The following CEP85L variants were observed in gnomAD, a reference collection of about 807,000 sequenced individuals.
The protein encoded by CEP85L is centrosomal protein of 85 kDa-like.
A neutral mutation model predicts 100.3 loss-of-function variants in CEP85L; 60 were observed. That is an observed-to-expected ratio of 0.60 (90% CI 0.49 to 0.74). The LOEUF (loss-of-function observed/expected upper bound fraction) is 0.74. CEP85L is among the 30% of genes least tolerant of loss of function. CEP85L has a pLI of 0.00. For synonymous variants in CEP85L, 319 were observed against 322.7 expected, an observed-to-expected ratio of 0.99 and a Z score of 0.12; for missense variants, 973 against 936.2, an observed-to-expected ratio of 1.04 and a Z score of -0.51.
intron 5 of CEP85L, among the ~76,000 whole-genome samples, chr6:118,510,494 A>G (rs1356815176): frequency 6.6e-6 from 1 of 152,130 alleles, no homozygotes; most frequent in Non-Finnish European, 1.5e-5. Context: ...AGAAATACAT[A>G]TTAAAACCAT....
At chr6:118,632,053 G>C (rs1357629322) in intron 2 of CEP85L, among the ~76,000 whole-genome samples, 4 of 152,108 alleles carry the variant, frequency 2.6e-5, no homozygotes, top group African/African-American at 4.8e-5. Flanking sequence ...GCAGTGGCAC[G>C]ATCTCAGCTC....
Position 118,566,033 on chromosome 6 carries a change from G to C in CEP85L, c.516C>G (p.Gly172=). 1 of 1,614,112 alleles carries C rather than the reference G, an allele frequency of 6.2e-7. No homozygotes were observed. Among genetic ancestry groups the C allele is most frequent in the Non-Finnish European group, 8.5e-7 (1 of 1,180,028 alleles). Residue 172 remains glycine (G), a synonymous_variant, in exon 3 of 13, where the codon GGC becomes GGG. Transcript: ENST00000368491. ...LTAPDNCGQG[G]TVCREESRNG... ...TCCTTGACTCTTCTCTGCATACAGT[G>C]CCACCCTGGCCACAGTTATCCGGGG...
chr6:118,571,684 A>G (rs1044451664), intron 2 of CEP85L, among the ~76,000 whole-genome samples: 1 of 152,210 alleles, frequency 6.6e-6, no homozygotes, highest in Non-Finnish European at 1.5e-5. Flanking sequence ...TACATTAAAG[A>G]ATAAATCATC....
At chr6:118,599,249 G>C (rs913437400) in intron 2 of CEP85L, among the ~76,000 whole-genome samples, 1 of 152,140 alleles carries the variant, frequency 6.6e-6, no homozygotes, top group Non-Finnish European at 1.5e-5. Flanking sequence ...TGAACATGGA[G>C]CATTTTGTGG....
rs189837062 is a variant in CEP85L at position 118,467,922 on chromosome 6, C to T, written c.2254+1150G>A. ...CTCTTGTGCTCCCACTGTCCTTTGT[C>T]CACATCTCAACTATAGCACCTATCA... On this transcript the variant is annotated intron_variant, in intron 12 of 12. Coordinates refer to ENST00000368491, the MANE Select transcript of CEP85L (RefSeq NM_001042475.3). Among the ~76,000 whole-genome samples the T allele has an allele frequency of 5.3e-5, 8 of 152,264 alleles. No homozygotes were observed. The East Asian group carries it at 1.4e-3, about 26-fold the overall frequency.
intron 2 of CEP85L, among the ~76,000 whole-genome samples, chr6:118,614,103 C>T (rs1031208504): frequency 5.9e-5 from 9 of 152,076 alleles, no homozygotes; most frequent in African/African-American, 2.2e-4. Context: ...AAATGCACCA[C>T]CATATCAACA....
At chr6:118,634,795 G>A (rs1178967915) in intron 1 of CEP85L, among the ~76,000 whole-genome samples, 1 of 151,990 alleles carries the variant, frequency 6.6e-6, no homozygotes, top group Non-Finnish European at 1.5e-5. Flanking sequence ...ATCAAAAATG[G>A]CAACCAGCCT....
intron 3 of CEP85L, among the ~76,000 whole-genome samples, chr6:118,525,229 A>G (rs1310339908): frequency 1.3e-5 from 2 of 152,246 alleles, no homozygotes; most frequent in South Asian, 2.1e-4. Flanking sequence ...TTAGAATGTA[A>G]GAAAGGTTTC....
intron 2 of CEP85L, among the ~76,000 whole-genome samples, chr6:118,571,715 TAATC>T (rs987397678): frequency 3.3e-5 from 5 of 152,152 alleles, no homozygotes; most frequent in African/African-American, 1.2e-4. Context: ...GTTTAAAAAA[TAATC>T]AGTAAACTAT....
chr6:118,503,490 A>G (rs1582927572), intron 5 of CEP85L, among the ~76,000 whole-genome samples: 1 of 152,294 alleles, frequency 6.6e-6, no homozygotes, highest in East Asian at 1.9e-4. Context: ...TCACAATACT[A>G]AAGGAAAAGA....
rs551530381 is a variant in CEP85L at position 118,461,943 on chromosome 6, T to G, written c.*3462A>C. 1 of 152,212 alleles carries G rather than the reference T, an allele frequency of 6.6e-6. No homozygotes were observed. Among genetic ancestry groups the G allele is most frequent in the African/African-American group, 2.4e-5 (1 of 41,578 alleles). The allele number at this position is 152,212 out of a possible 1,614,324, so 9.4% of individuals were successfully genotyped here. A position where few individuals can be genotyped will look rare whatever the true frequency, so the allele number is the denominator to read the frequency against. On this transcript the variant is annotated 3_prime_UTR_variant, in exon 13 of 13. Transcript: ENST00000368491. ...CTATGCTGTGAAAATATAGTCCATG[T>G]TCTTAGCTACTATGTTACTTAATGA...
At chr6:118,598,815 A>G (rs747679255) in intron 2 of CEP85L, among the ~76,000 whole-genome samples, 10 of 152,176 alleles carry the variant, frequency 6.6e-5, no homozygotes, top group Non-Finnish European at 1.2e-4. Flanking sequence ...AGTAGAGGTT[A>G]ACAGTTCTGA....
chr6:118,501,711 T>G (rs553488361), intron 5 of CEP85L: 21 of 706,514 alleles, frequency 3.0e-5, no homozygotes, highest in South Asian at 2.7e-4. Flanking sequence ...ATTCAGAGCC[T>G]GAAGCAGACC....
At chr6:118,658,325 A>G (rs550399893) in intron 1 of CEP85L, among the ~76,000 whole-genome samples, 1 of 152,336 alleles carries the variant, frequency 6.6e-6, no homozygotes, top group South Asian at 2.1e-4. Context: ...AAAGTAGGGG[A>G]GAAAAACTAA....
At chr6:118,472,095 T>C in intron 10 of CEP85L, among the ~76,000 whole-genome samples, 1 of 151,884 alleles carries the variant, frequency 6.6e-6, no homozygotes, top group Non-Finnish European at 1.5e-5. Flanking sequence ...AATTATTATA[T>C]ATAACAGAAT....
At chr6:118,656,474 A>G (rs145334584), upstream of CEP85L, among the ~76,000 whole-genome samples, 170 of 152,254 alleles carry the variant, frequency 1.1e-3, 1 homozygote, top group African/African-American at 3.9e-3. Flanking sequence ...CAGAGATGAG[A>G]CAGTGGAGGA....
chr6:118,476,071 G>A (rs753475695), intron 10 of CEP85L, among the ~76,000 whole-genome samples: 6 of 152,062 alleles, frequency 3.9e-5, no homozygotes, highest in South Asian at 2.1e-4. Flanking sequence ...TATTCGCAGC[G>A]CTAACAGGCC....
In CEP85L at chr6:118,498,291, C is replaced by T. The variant is rs114080501; in HGVS notation, c.1258-6426G>A. 9.9e-3 allele frequency among the ~76,000 whole-genome samples: 1,508 copies of T among 151,788 alleles called. 36 individuals are homozygous for T. Among genetic ancestry groups the T allele is most frequent in the African/African-American group, 0.034 (1,394 of 41,386 alleles). ...GGAGGATCACTTAAGGTCAGGGGTT[C>T]GAGACCAGCCTAGGCAACATAGTGA... On this transcript the variant is annotated intron_variant, in intron 5 of 12. Coordinates refer to ENST00000368491, the MANE Select transcript of CEP85L (RefSeq NM_001042475.3).
At chr6:118,643,765 A>C (rs1270831492) in intron 1 of CEP85L, among the ~76,000 whole-genome samples, 3 of 152,238 alleles carry the variant, frequency 2.0e-5, no homozygotes, top group African/African-American at 7.2e-5. Flanking sequence ...GCATGAAATA[A>C]AACTAGATAC....
Sources: allele counts gnomAD v4.1 joint callset (sites outside exome capture counted in the v4.1 genomes callset), GRCh38; gene constraint gnomAD v4.1.1; transcripts MANE v1.5; gene names NCBI Gene and HGNC (gene_info 2026-07-23, HGNC 2026-07-21).